ZBBX: variants seen among roughly 807,000 people sequenced by gnomAD.
The protein encoded by ZBBX is zinc finger B-box domain-containing protein 1.
In ZBBX, 101 loss-of-function variants were observed where a neutral mutation model predicts 108.5. The ratio of observed to expected loss-of-function variants is 0.93; its 90% CI spans 0.79 to 1.10. The LOEUF is 1.10. ZBBX is among the 50% of genes least tolerant of loss of function. The pLI is 0.00. For missense variants in ZBBX, 1,009 were observed against 941.4 expected (o/e 1.07, Z -0.94); for synonymous variants, 356 against 323.4 (o/e 1.10, Z -1.08).
downstream of ZBBX, among the ~76,000 whole-genome samples, chr3:167,237,551 C>T (rs1339927632): frequency 6.6e-6 from 1 of 151,880 alleles, no homozygotes; most frequent in African/African-American, 2.4e-5. Flanking sequence ...CAATTTTAAG[C>T]ATGAGCTTTA....
At chr3:167,333,522 T>C (rs1739021827) in intron 10 of ZBBX, among the ~76,000 whole-genome samples, 1 of 152,202 alleles carries the variant, frequency 6.6e-6, no homozygotes. Flanking sequence ...TATATTGCAT[T>C]GTGGTTTTTA....
chr3:167,322,292 A>C (rs565385952), intron 11 of ZBBX, 55 bp from the exon 12 acceptor site: 2 of 1,378,730 alleles, frequency 1.5e-6, no homozygotes, highest in Middle Eastern at 1.9e-4. Context: ...ACAAATTACT[A>C]TATCTTCTCT....
At chr3:167,302,510 AGC>A (rs1378142588) in intron 17 of ZBBX, among the ~76,000 whole-genome samples, 1 of 151,796 alleles carries the variant, frequency 6.6e-6, no homozygotes, top group Non-Finnish European at 1.5e-5. Context: ...CCATGTTTTA[AGC>A]AGGTTTCTGG....
chr3:167,178,409 C>T, the ZBBX span, among the ~76,000 whole-genome samples: 3 of 152,212 alleles, frequency 2.0e-5, no homozygotes, highest in African/African-American at 7.2e-5. Context: ...CTCACTGTGA[C>T]TGGTTGTCCT....
the ZBBX span, among the ~76,000 whole-genome samples, chr3:167,200,011 G>C: frequency 6.6e-6 from 1 of 152,024 alleles, no homozygotes; most frequent in South Asian, 2.1e-4. Flanking sequence ...AATCCTTTTT[G>C]TACCTTGGTT....
chr3:167,227,390 T>C, the ZBBX span, among the ~76,000 whole-genome samples: 27 of 151,652 alleles, frequency 1.8e-4, no homozygotes, highest in Non-Finnish European at 2.8e-4. Flanking sequence ...CAAAGCATTA[T>C]ATTTTACCTG....
intron 19 of ZBBX, among the ~76,000 whole-genome samples, chr3:167,285,370 C>A (rs1234725933): frequency 6.6e-6 from 1 of 151,876 alleles, no homozygotes; most frequent in Non-Finnish European, 1.5e-5. Context: ...ATCAAAGGAC[C>A]CAGTATTTTG....
the ZBBX span, among the ~76,000 whole-genome samples, chr3:167,209,301 C>T: frequency 6.6e-6 from 1 of 152,058 alleles, no homozygotes; most frequent in Non-Finnish European, 1.5e-5. Context: ...GCTGTGCTGG[C>T]TTCTGGCCTG....
chr3:167,252,171 G>A, intron 20 of ZBBX: 2 of 1,289,570 alleles, frequency 1.6e-6, no homozygotes. Flanking sequence ...CCTTAACATG[G>A]TTGTTTTTCA....
chr3:167,383,393 A>G (rs1747809191), upstream of ZBBX, among the ~76,000 whole-genome samples: 1 of 152,118 alleles, frequency 6.6e-6, no homozygotes, highest in African/African-American at 2.4e-5. Context: ...ACTTGTCAAG[A>G]AAACTGAGCT....
At chr3:167,180,463 G>A in the ZBBX span, among the ~76,000 whole-genome samples, 1 of 152,166 alleles carries the variant, frequency 6.6e-6, no homozygotes, top group South Asian at 2.1e-4. Flanking sequence ...AGGAGTAGTA[G>A]TCTGAATTTT....
At chr3:167,383,291 T>C (rs1303944136), upstream of ZBBX, among the ~76,000 whole-genome samples, 1 of 151,988 alleles carries the variant, frequency 6.6e-6, no homozygotes, top group Non-Finnish European at 1.5e-5. Context: ...AGCCCTGAAA[T>C]GTGGTTTTAC....
upstream of ZBBX, among the ~76,000 whole-genome samples, chr3:167,384,322 T>C (rs1747838772): frequency 1.3e-5 from 2 of 152,050 alleles, no homozygotes; most frequent in Admixed American, 6.5e-5. Context: ...AAACTCTCAA[T>C]AGGGCTTGGA....
intron 9 of ZBBX, among the ~76,000 whole-genome samples, chr3:167,338,772 G>A (rs1740014943): frequency 6.6e-6 from 1 of 152,046 alleles, no homozygotes; most frequent in Non-Finnish European, 1.5e-5. Context: ...TGATATAGAG[G>A]TAGAGAGAGA....
chr3:167,346,448 T>C (rs948906198), intron 9 of ZBBX, among the ~76,000 whole-genome samples: 2 of 151,870 alleles, frequency 1.3e-5, no homozygotes, highest in Non-Finnish European at 2.9e-5. Flanking sequence ...CCATACTGAC[T>C]AAACTCACAG....
intron 1 of ZBBX, among the ~76,000 whole-genome samples, chr3:167,402,275 A>G (rs1430389403): frequency 6.6e-6 from 1 of 152,204 alleles, no homozygotes; most frequent in Non-Finnish European, 1.5e-5. Flanking sequence ...TTAAAAATTC[A>G]AAGATATTGC....
chr3:167,205,760 G>C, the ZBBX span, among the ~76,000 whole-genome samples: 1 of 152,086 alleles, frequency 6.6e-6, no homozygotes, highest in African/African-American at 2.4e-5. Flanking sequence ...GGTGGAACCA[G>C]GATTCAAAAC....
chr3:167,251,627 T>C (rs894931840), intron 20 of ZBBX, among the ~76,000 whole-genome samples: 2 of 152,198 alleles, frequency 1.3e-5, no homozygotes, highest in Non-Finnish European at 2.9e-5. Flanking sequence ...ACTTACTATG[T>C]GCTAGGCACT....
the ZBBX span, among the ~76,000 whole-genome samples, chr3:167,210,012 C>T: frequency 6.6e-6 from 1 of 152,132 alleles, no homozygotes; most frequent in African/African-American, 2.4e-5. Flanking sequence ...ATTGCTTGAA[C>T]CTAGGAAGTG....
Sources: allele counts gnomAD v4.1 joint callset (sites outside exome capture counted in the v4.1 genomes callset), GRCh38; gene constraint gnomAD v4.1.1; transcripts MANE v1.5; gene names NCBI Gene and HGNC (gene_info 2026-07-23, HGNC 2026-07-21).